GGH: variants seen among roughly 807,000 people sequenced by gnomAD.
GGH encodes gamma-glutamyl hydrolase.
In GGH, 18 loss-of-function variants were observed where a neutral mutation model predicts 39.2. The ratio of observed to expected loss-of-function variants is 0.46; its 90% CI spans 0.32 to 0.68. The LOEUF (loss-of-function observed/expected upper bound fraction) is 0.68. Ranked by LOEUF, GGH falls within the 30% of genes least tolerant of loss-of-function variation. The pLI is 0.04. For missense variants in GGH, 367 were observed against 384.1 expected, an observed-to-expected ratio of 0.96 and a Z score of 0.37; for synonymous variants, 147 against 138.8, an observed-to-expected ratio of 1.06 and a Z score of -0.42.
Position 63,035,731 on chromosome 8 carries a change from T to C in GGH, c.149A>G (p.Asn50Ser). The change falls in exon 2 of 9, where the codon AAC (asparagine) becomes AGC (serine). Residue 50 changes from asparagine to serine, a missense_variant. Physicochemically the swap from Asn to Ser is conservative, Grantham distance 46 (BLOSUM62 1). Coordinates refer to ENST00000260118, the MANE Select transcript of GGH (RefSeq NM_003878.3). ...MQKCRNKVMKNYGRYYIAASY... is the reference protein window; with the variant it reads ...MQKCRNKVMKSYGRYYIAASY... ...CGCAGCAATATAGTATCTTCCATAGTTTTTCATGACTTTATTACGGCATTT... is the reference window on the plus strand; with the variant it reads ...CGCAGCAATATAGTATCTTCCATAGCTTTTCATGACTTTATTACGGCATTT... The C allele has an allele frequency of 6.2e-7, 1 of 1,613,688 alleles. No homozygotes were observed. The highest frequency in any genetic ancestry group is 8.5e-7 in the Non-Finnish European group (1 of 1,179,922).
At chr8:63,032,581 T>C (rs895547647) in intron 2 of GGH, among the ~76,000 whole-genome samples, 2 of 152,176 alleles carry the variant, frequency 1.3e-5, no homozygotes, top group African/African-American at 2.4e-5. Context: ...CTCCCATCTC[T>C]TCCTTTTCAC....
chr8:63,035,610 A>T (rs1389204889), intron 2 of GGH, 46 bp downstream of exon 2: 7 of 1,570,284 alleles, frequency 4.5e-6, no homozygotes, highest in African/African-American at 1.4e-5. Flanking sequence ...CGTACGCAGC[A>T]ATTTTTTATA....
At position 63,030,237 on chromosome 8, in the gene GGH, T is replaced by C. The variant is rs1207053555; in HGVS notation, c.225-20A>G. 3 of 1,163,642 alleles carry C rather than the reference T, an allele frequency of 2.6e-6. No homozygotes were observed. Among genetic ancestry groups the C allele is most frequent in the Non-Finnish European group, 2.6e-6 (2 of 774,930 alleles). The allele number at this position is 1,163,642 out of a possible 1,614,324, so 72.1% of individuals were successfully genotyped here. The stretch of plus-strand genomic sequence containing the variant: ...TCCAGCCTGAAAACAATAAAAGTTA[T>C]TGTTACATTTGTGAAACTTAGAAGT... On this transcript the variant is annotated intron_variant, in intron 2 of 8. Coordinates refer to ENST00000260118, the MANE Select transcript of GGH (RefSeq NM_003878.3).
intron 7 of GGH, 88 bp downstream of exon 7, chr8:63,023,819 T>C: frequency 1.0e-6 from 1 of 990,992 alleles, no homozygotes. Flanking sequence ...AGCCCCAAAG[T>C]AATATGATTT....
chr8:63,026,108 T>C (rs1218189180), intron 5 of GGH, 50 bp downstream of exon 5: 1 of 1,456,212 alleles, frequency 6.9e-7, no homozygotes, highest in Non-Finnish European at 9.3e-7. Context: ...TGCTACTTAC[T>C]AATCCTGCCC....
intron 2 of GGH, among the ~76,000 whole-genome samples, chr8:63,032,937 T>C (rs751295612): frequency 1.3e-5 from 2 of 152,210 alleles, no homozygotes; most frequent in Non-Finnish European, 2.9e-5. Flanking sequence ...TTAGTCATCA[T>C]GTACTGGTGA....
At position 63,026,132 on chromosome 8, in the gene GGH, C is replaced by T. The variant is rs775254969; in HGVS notation, c.499+26G>A. 8 of 1,524,632 alleles carry T rather than the reference C, an allele frequency of 5.2e-6. No homozygotes were observed. The East Asian group carries it at 1.7e-4, about 33-fold the overall frequency. 94.4% of individuals were successfully genotyped at this position (1,524,632 alleles called of 1,614,324 possible). Reference sequence around the variant, plus strand: ...CTAATCCTGCCCAGCAAATATTTTTCAAAGGGTTGAAAAGAGTACTCTTAC... The same window carrying T: ...CTAATCCTGCCCAGCAAATATTTTTTAAAGGGTTGAAAAGAGTACTCTTAC... On this transcript the variant is annotated intron_variant, in intron 5 of 8. Coordinates refer to ENST00000260118, the MANE Select transcript of GGH (RefSeq NM_003878.3).
Position 63,030,274 on chromosome 8 carries a change from T to C in GGH, c.225-57A>G. The stretch of plus-strand genomic sequence containing the variant: ...TGAAACTTAGAAGTAAACCTCTAAA[T>C]GAAGTCTCCACATTTACTTTTAAAA... On this transcript the variant is annotated intron_variant, in intron 2 of 8. Coordinates refer to ENST00000260118, the MANE Select transcript of GGH (RefSeq NM_003878.3). The C allele has an allele frequency of 3.6e-6, 3 of 823,482 alleles. No homozygotes were observed. The South Asian group carries it at 4.3e-5, about 12-fold the overall frequency. The allele number at this position is 823,482 out of a possible 1,614,324, so 51.0% of individuals were successfully genotyped here. A position where few individuals can be genotyped will look rare whatever the true frequency, so the allele number is the denominator to read the frequency against.
At chr8:63,016,616 G>T (rs1375039418) in intron 8 of GGH, among the ~76,000 whole-genome samples, 1 of 152,136 alleles carries the variant, frequency 6.6e-6, no homozygotes, top group Admixed American at 6.6e-5. Flanking sequence ...TAAGCACAAC[G>T]ATGTATAACA....
chr8:63,019,440 G>A (rs372902669), intron 7 of GGH, among the ~76,000 whole-genome samples: 21 of 152,178 alleles, frequency 1.4e-4, no homozygotes, highest in East Asian at 1.3e-3. Flanking sequence ...TTTTTAACAG[G>A]TGGGATCAAG....
Position 63,035,760 on chromosome 8 carries a change from C to G in GGH, c.120G>C (p.Met40Ile). ...TCATGACTTTATTACGGCATTTTTG[C>G]ATTAATATTCCTAATAACAAAAAAA... is the stretch of plus-strand genomic sequence containing the variant. ...TAKKPIIGIL[M>I]QKCRNKVMKN... The change falls in exon 2 of 9, where the codon ATG (methionine) becomes ATC (isoleucine). Residue 40 changes from methionine (M) to isoleucine (I), a missense_variant. Met to Ile is a conservative substitution (Grantham distance 10). Coordinates refer to ENST00000260118, the MANE Select transcript of GGH (RefSeq NM_003878.3). 1 of 1,609,688 alleles carries G rather than the reference C, an allele frequency of 6.2e-7. No homozygotes were observed. The highest frequency in any genetic ancestry group is 1.1e-5 in the South Asian group (1 of 89,546).
chr8:63,023,104 T>C (rs1353821460), intron 7 of GGH, among the ~76,000 whole-genome samples: 4 of 152,184 alleles, frequency 2.6e-5, no homozygotes. Context: ...GATGAATGTC[T>C]GGTCCTCTCA....
At chr8:63,023,815 A>G in intron 7 of GGH, 92 bp downstream of exon 7, 1 of 976,262 alleles carries the variant, frequency 1.0e-6, no homozygotes, top group African/African-American at 1.7e-5. Flanking sequence ...TTCAAGCCCC[A>G]AAGTAATATG....
In GGH at chr8:63,015,320, A is replaced by C. The variant is rs1221861591; in HGVS notation, c.*12T>G. 7.5e-7 allele frequency: 1 copy of C among 1,337,908 alleles called. No homozygotes were observed. Among genetic ancestry groups the C allele is most frequent in the Admixed American group, 2.2e-5 (1 of 46,028 alleles). The allele number at this position is 1,337,908 out of a possible 1,614,324, so 82.9% of individuals were successfully genotyped here. On this transcript the variant is annotated 3_prime_UTR_variant, in exon 9 of 9. Coordinates refer to ENST00000260118, the MANE Select transcript of GGH (RefSeq NM_003878.3). ...ATTATTCAAATTTGCTCTGTTAACA[A>C]ATTGAAGACTTTCAATCAAATATGT...
intron 8 of GGH, 178 bp downstream of exon 8, chr8:63,017,315 A>C: frequency 2.0e-6 from 1 of 494,742 alleles, no homozygotes. Flanking sequence ...TTTTATTAGA[A>C]TACCTTACAT....
chr8:63,036,274 A>AC (rs199592177), intron 1 of GGH, among the ~76,000 whole-genome samples: 242 of 151,146 alleles, frequency 1.6e-3, no homozygotes, highest in Non-Finnish European at 1.5e-3. Context: ...TTCTTAAGAA[A>AC]CCCCCCCAAG....
At chr8:63,021,332 A>C (rs573613669) in intron 7 of GGH, among the ~76,000 whole-genome samples, 5 of 152,272 alleles carry the variant, frequency 3.3e-5, no homozygotes, top group Non-Finnish European at 7.4e-5. Context: ...TGTCACGTAC[A>C]TTTCTATCTA....
rs777921792 is a variant in GGH, at chr8:63,026,185, C to G, written c.472G>C (p.Val158Leu). ...CLLTATDTVD[V>L]AMPLNFTGGQ... ...CCAGTGAAGTTCAGCGGCATTGCCA[C>G]GTCAACAGTATCTGTGGCAGTTAAT... The change falls in exon 5 of 9, where the codon GTG becomes CTG. Residue 158 changes from valine (V) to leucine (L), a missense_variant. Physicochemically the swap from Val to Leu is conservative, Grantham distance 32. Coordinates refer to ENST00000260118, the MANE Select transcript of GGH (RefSeq NM_003878.3). The G allele has an allele frequency of 1.8e-5, 29 of 1,605,586 alleles. No homozygotes were observed. The East Asian group carries it at 5.9e-4, about 32-fold the overall frequency.
Position 63,017,574 on chromosome 8 carries a change from A to C in GGH, c.754T>G (p.Trp252Gly), listed in dbSNP as rs1369334841. The change falls in exon 8 of 9, where the codon TGG becomes GGG. Residue 252 changes from tryptophan to glycine, a missense_variant. Transcript: ENST00000260118. ...TGGGAAATGCCATCCAAATTCTTCC[A>C]CTCATAAGGTGCTTTCTCTGGATGC... ...QWHPEKAPYE[W>G]KNLDGISHAP... 6.2e-7 allele frequency: 1 copy of C among 1,606,434 alleles called. No homozygotes were observed.
Sources: gnomAD v4.1 joint callset for allele counts (sites outside exome capture counted in the v4.1 genomes callset) on GRCh38, gnomAD v4.1.1 for gene constraint, MANE v1.5 for transcripts, NCBI Gene and HGNC (gene_info 2026-07-23, HGNC 2026-07-21) for gene names.